Variants in INO80 observed in about 807,000 individuals in gnomAD.
INO80 encodes the protein chromatin-remodeling ATPase INO80.
Under a neutral mutation model 203.4 loss-of-function variants are expected in INO80, and 20 were observed. The observed-to-expected ratio is 0.10, with a 90% CI of 0.07 to 0.14. The LOEUF (loss-of-function observed/expected upper bound fraction) is 0.14, where lower values mean the gene tolerates loss of function less well. INO80 is among the 10% of genes least tolerant of loss of function. The pLI, the probability that INO80 is intolerant of heterozygous loss-of-function variation, is 1.00. For missense variants in INO80, 1,419 were observed against 1,914.4 expected, an observed-to-expected ratio of 0.74 and a Z score of 4.83; for synonymous variants, 726 against 685.2, an observed-to-expected ratio of 1.06 and a Z score of -0.93.
At chr15:41,101,899 T>C (rs981407452) in intron 1 of INO80, among the ~76,000 whole-genome samples, 6 of 151,224 alleles carry the variant, frequency 4.0e-5, no homozygotes, top group South Asian at 2.1e-4. Context: ...ACAAAAGATA[T>C]GACTATTTCT....
Position 41,091,540 on chromosome 15 carries a change from G to GC in INO80, c.537+486dup, listed in dbSNP as rs549664551. Reference sequence around the variant, plus strand: ...CCTCCTCCTGCACCCACCTGCCCAGGCCCAGTGTGTCTTGTTCCCCTTCCT... The same window carrying GC: ...CCTCCTCCTGCACCCACCTGCCCAGGCCCCAGTGTGTCTTGTTCCCCTTCCT... On this transcript the variant is annotated intron_variant, in intron 5 of 35. Transcript: ENST00000648947. Among the ~76,000 whole-genome samples the GC allele has an allele frequency of 2.7e-3, 407 of 151,800 alleles. 3 individuals are homozygous for GC. Among genetic ancestry groups the GC allele is most frequent in the South Asian group, 0.013 (62 of 4,800 alleles).
intron 25 of INO80, among the ~76,000 whole-genome samples, chr15:41,023,571 C>G (rs187942247): frequency 6.6e-6 from 1 of 151,970 alleles, no homozygotes; most frequent in Non-Finnish European, 1.5e-5. Flanking sequence ...GAGTTCGAGA[C>G]TGGCCTGGCC....
chr15:41,028,854 C>CA lies in INO80; in HGVS notation c.2908-1119dup, dbSNP rs879774050. Among the ~76,000 whole-genome samples the CA allele has an allele frequency of 5.2e-3, 736 of 142,018 alleles. 7 individuals are homozygous for CA. Among genetic ancestry groups the CA allele is most frequent in the African/African-American group, 0.016 (639 of 38,892 alleles). 93.2% of individuals were successfully genotyped at this position (142,018 alleles called of 152,430 possible). On this transcript the variant is annotated intron_variant, in intron 24 of 35. Coordinates refer to ENST00000648947, the MANE Select transcript of INO80 (RefSeq NM_017553.3). ...TGGGTGAAAGAGTGAAATTCCGTCCCAAAAAAAAAAAGTATTTTAACAGAC... is the reference window on the plus strand; with the variant it reads ...TGGGTGAAAGAGTGAAATTCCGTCCCAAAAAAAAAAAAGTATTTTAACAGAC...
chr15:41,083,348 A>T (rs1159706797), intron 7 of INO80, among the ~76,000 whole-genome samples: 1 of 152,140 alleles, frequency 6.6e-6, no homozygotes, highest in Non-Finnish European at 1.5e-5. Flanking sequence ...GCTATGGAAA[A>T]AAAATTTTAA....
chr15:41,021,912 A>G (rs1360841997), intron 25 of INO80, among the ~76,000 whole-genome samples: 3 of 152,162 alleles, frequency 2.0e-5, no homozygotes, highest in Non-Finnish European at 4.4e-5. Context: ...GTTTATTCCT[A>G]CTCTAATAGG....
At chr15:41,095,009 A>G (rs1372315725) in intron 4 of INO80, among the ~76,000 whole-genome samples, 1 of 148,780 alleles carries the variant, frequency 6.7e-6, no homozygotes, top group Non-Finnish European at 1.5e-5. Flanking sequence ...CATCTCCAAG[A>G]TATCTCATTT....
chr15:41,019,969 C>T (rs759518919), intron 26 of INO80, among the ~76,000 whole-genome samples: 22 of 152,182 alleles, frequency 1.4e-4, no homozygotes, highest in Non-Finnish European at 2.6e-4. Context: ...CGCCTGTAAT[C>T]CCAGCACTTT....
intron 1 of INO80, among the ~76,000 whole-genome samples, chr15:41,099,875 CAACAA>C (rs2045781944): frequency 6.6e-6 from 1 of 151,766 alleles, no homozygotes; most frequent in East Asian, 1.9e-4. Context: ...TTTTAAAATA[CAACAA>C]AACTCCCTTA....
chr15:41,044,394 G>A (rs1331548530), intron 24 of INO80, among the ~76,000 whole-genome samples: 2 of 152,042 alleles, frequency 1.3e-5, no homozygotes, highest in Non-Finnish European at 2.9e-5. Flanking sequence ...TATATGACAT[G>A]GACAAATCTC....
intron 4 of INO80, among the ~76,000 whole-genome samples, chr15:41,092,410 A>G (rs573837946): frequency 1.2e-4 from 18 of 152,260 alleles, no homozygotes; most frequent in Non-Finnish European, 2.1e-4. Flanking sequence ...GTTATCAGCA[A>G]CAAGGCTAAA....
chr15:41,069,737 A>G (rs2045281250), intron 13 of INO80, 72 bp from the exon 14 acceptor site: 2 of 836,430 alleles, frequency 2.4e-6, no homozygotes, highest in African/African-American at 1.7e-5. Context: ...ATAATTAATG[A>G]CAAGAACAAT....
At chr15:41,070,337 G>A in intron 13 of INO80, 130 bp downstream of exon 13, 1 of 802,250 alleles carries the variant, frequency 1.2e-6, no homozygotes, top group South Asian at 1.7e-5. Context: ...ATAAAGCTCT[G>A]AGGCAAGAAC....
intron 4 of INO80, 151 bp from the exon 5 acceptor site, chr15:41,092,333 GA>G (rs34708841): frequency 3.8e-6 from 2 of 530,146 alleles, no homozygotes; most frequent in South Asian, 4.1e-5. Context: ...AAATTCAACT[GA>G]AAAACATTAA....
chr15:41,093,117 A>G lies in INO80; in HGVS notation c.382-935T>C, dbSNP rs551833630. The stretch of plus-strand genomic sequence containing the variant: ...CAGATTAGTCGCTGCCAAAGGACAG[A>G]GGAAATAGAAAATGGAGAGTGACTA... On this transcript the variant is annotated intron_variant, in intron 4 of 35. Transcript: ENST00000648947. 3.9e-5 allele frequency among the ~76,000 whole-genome samples: 6 copies of G among 152,202 alleles called. No homozygotes were observed. In the East Asian group the frequency reaches 1.2e-3, roughly 29 times the overall value.
At chr15:40,984,045 ATTTG>A in intron 33 of INO80, 124 bp from the exon 34 acceptor site, 2 of 1,368,152 alleles carry the variant, frequency 1.5e-6, no homozygotes, top group South Asian at 1.3e-5. Context: ...ACCTGTCCTC[ATTTG>A]TTTTTCTCCT....
chr15:41,013,861 T>C (rs1040950670), intron 27 of INO80, among the ~76,000 whole-genome samples: 1 of 152,234 alleles, frequency 6.6e-6, no homozygotes, highest in African/African-American at 2.4e-5. Context: ...AGGCTTTGAA[T>C]TTGCATTTCC....
intron 22 of INO80, 124 bp from the exon 23 acceptor site, chr15:41,047,625 C>A: frequency 1.5e-6 from 1 of 654,436 alleles, no homozygotes; most frequent in South Asian, 1.9e-5. Context: ...TCTGATCTAG[C>A]CACTTTGGTG....
chr15:41,067,168 C>A (rs2045235178), intron 14 of INO80, among the ~76,000 whole-genome samples: 1 of 152,076 alleles, frequency 6.6e-6, no homozygotes, highest in African/African-American at 2.4e-5. Flanking sequence ...ACTCTGCCCC[C>A]CGGGTTCAAG....
At chr15:41,088,319 A>T (rs1180066731) in intron 5 of INO80, among the ~76,000 whole-genome samples, 1 of 151,726 alleles carries the variant, frequency 6.6e-6, no homozygotes, top group African/African-American at 2.4e-5. Context: ...TGATCTCCTG[A>T]CCTCGTGGTC....
Sources: allele counts gnomAD v4.1 joint callset (sites outside exome capture counted in the v4.1 genomes callset), GRCh38; gene constraint gnomAD v4.1.1; transcripts MANE v1.5; gene names NCBI Gene and HGNC (gene_info 2026-07-23, HGNC 2026-07-21).